Variants in SPAST observed in about 807,000 individuals in gnomAD.
The protein encoded by SPAST is spastin, also known as spastic paraplegia 4 (autosomal dominant; spastin).
Under a neutral mutation model 76.6 loss-of-function variants are expected in SPAST, and 30 were observed. The observed-to-expected ratio is 0.39, with a 90% CI of 0.29 to 0.53. The LOEUF is 0.53. Among genes scored for constraint, SPAST ranks in the 20% least tolerant of loss-of-function variants. The pLI is 0.68. For missense variants in SPAST, 717 were observed against 770.5 expected, an observed-to-expected ratio of 0.93 and a Z score of 0.82; for synonymous variants, 305 against 281.0, an observed-to-expected ratio of 1.09 and a Z score of -0.86.
rs374327295 is a variant in SPAST at position 32,063,791 on chromosome 2, C to T, written c.-41C>T. On this transcript the variant is annotated 5_prime_UTR_variant, in exon 1 of 17. Coordinates refer to ENST00000315285, the MANE Select transcript of SPAST (RefSeq NM_014946.4). Reference sequence around the variant, plus strand: ...CCGTCGCTTGGTTCCCGTCGGTCTGCGGGAGGCGGGTTATGGCGGCGGCGG... The same window carrying T: ...CCGTCGCTTGGTTCCCGTCGGTCTGTGGGAGGCGGGTTATGGCGGCGGCGG... 1,220 of 1,547,808 alleles carry T rather than the reference C, an allele frequency of 7.9e-4. 4 individuals carry two copies. The highest frequency in any genetic ancestry group is 3.2e-3 in the Middle Eastern group (14 of 4,400).
At chr2:32,152,203 C>T (rs1363503212) in intron 16 of SPAST, among the ~76,000 whole-genome samples, 1 of 152,110 alleles carries the variant, frequency 6.6e-6, no homozygotes, top group Non-Finnish European at 1.5e-5. Context: ...GTTAAAATAT[C>T]ATATAAGTTT....
chr2:32,114,529 A>G (rs1036783300), intron 4 of SPAST, 109 bp from the exon 5 acceptor site: 12 of 839,576 alleles, frequency 1.4e-5, no homozygotes, highest in African/African-American at 3.4e-5. Flanking sequence ...ATTTTGAAAT[A>G]TTTTTGAATT....
chr2:32,101,438 T>A (rs1678121659), intron 4 of SPAST, among the ~76,000 whole-genome samples: 2 of 151,882 alleles, frequency 1.3e-5, no homozygotes, highest in African/African-American at 4.8e-5. Context: ...TGGTAGTTTC[T>A]TTTGCTGTGC....
intron 7 of SPAST, among the ~76,000 whole-genome samples, chr2:32,121,964 T>G (rs1679036595): frequency 6.6e-6 from 1 of 152,240 alleles, no homozygotes; most frequent in Non-Finnish European, 1.5e-5. Context: ...TGCCTTAAGC[T>G]TTTTCATATT....
intron 1 of SPAST, among the ~76,000 whole-genome samples, chr2:32,074,742 A>G (rs1224359545): frequency 6.6e-6 from 1 of 152,038 alleles, no homozygotes; most frequent in East Asian, 1.9e-4. Flanking sequence ...CCGGACCTCA[A>G]GCAATCCATC....
chr2:32,083,695 GTATA>G (rs1178387942), intron 1 of SPAST, among the ~76,000 whole-genome samples: 1 of 121,456 alleles, frequency 8.2e-6, no homozygotes, highest in Non-Finnish European at 1.7e-5. Flanking sequence ...TATATATAGA[GTATA>G]TATATTTTTA....
At chr2:32,120,926 A>G (rs1180925877) in intron 7 of SPAST, among the ~76,000 whole-genome samples, 1 of 152,056 alleles carries the variant, frequency 6.6e-6, no homozygotes, top group Non-Finnish European at 1.5e-5. Flanking sequence ...GTTGGAAACT[A>G]TTTTCCATGA....
chr2:32,157,563 AGAAAT>A lies in SPAST; in HGVS notation c.*3071_*3075del, dbSNP rs1336826171. 2.6e-5 allele frequency: 4 copies of A among 152,644 alleles called. No homozygotes were observed. The highest frequency in any genetic ancestry group is 5.9e-5 in the Non-Finnish European group (4 of 68,046). 9.5% of individuals were successfully genotyped at this position (152,644 alleles called of 1,614,324 possible). A position where few individuals can be genotyped will look rare whatever the true frequency, so the allele number is the denominator to read the frequency against. ...CTGGTCTTTTGTACTTTTCTTCAGA[AGAAAT>A]GAATTAAAGGGTACAGTTGCATAAA... On this transcript the variant is annotated 3_prime_UTR_variant, in exon 17 of 17. Transcript: ENST00000315285.
chr2:32,122,427 T>C (rs1398019586), intron 7 of SPAST, among the ~76,000 whole-genome samples: 1 of 152,162 alleles, frequency 6.6e-6, no homozygotes, highest in Non-Finnish European at 1.5e-5. Flanking sequence ...GTTCAAGCAA[T>C]TCTCATGCCT....
At chr2:32,085,845 T>A (rs537818368) in intron 1 of SPAST, among the ~76,000 whole-genome samples, 1 of 151,480 alleles carries the variant, frequency 6.6e-6, no homozygotes, top group South Asian at 2.1e-4. Context: ...AGATCGAGAC[T>A]ATCCTGAACA....
intron 4 of SPAST, among the ~76,000 whole-genome samples, chr2:32,100,128 G>T (rs1678065072): frequency 6.6e-6 from 1 of 152,096 alleles, no homozygotes; most frequent in Non-Finnish European, 1.5e-5. Flanking sequence ...ATTCCCAAAA[G>T]TAGCGTATAA....
At chr2:32,102,175 T>G (rs1678151757) in intron 4 of SPAST, among the ~76,000 whole-genome samples, 1 of 152,242 alleles carries the variant, frequency 6.6e-6, no homozygotes, top group Non-Finnish European at 1.5e-5. Flanking sequence ...TAGTTCTCCT[T>G]GAAGAGGTCC....
At chr2:32,126,849 T>G (rs1679209412) in intron 7 of SPAST, 99 bp from the exon 8 acceptor site, 1 of 762,154 alleles carries the variant, frequency 1.3e-6, no homozygotes, top group Admixed American at 2.1e-5. Context: ...CAGCTCTGTT[T>G]GGGAAGATGC....
At chr2:32,099,247 A>G (rs1678030204) in intron 4 of SPAST, among the ~76,000 whole-genome samples, 1 of 152,164 alleles carries the variant, frequency 6.6e-6, no homozygotes, top group South Asian at 2.1e-4. Context: ...AGTGTTTTCT[A>G]AGACACATTT....
At chr2:32,064,287 GAA>G in intron 1 of SPAST, 41 bp downstream of exon 1, 3 of 632,822 alleles carry the variant, frequency 4.7e-6, no homozygotes, top group East Asian at 4.7e-5. Context: ...GCGCCGGGAA[GAA>G]GGCGGTGGGG....
chr2:32,148,602 G>C (rs1250942561), intron 16 of SPAST, among the ~76,000 whole-genome samples: 1 of 152,136 alleles, frequency 6.6e-6, no homozygotes, highest in Non-Finnish European at 1.5e-5. Flanking sequence ...GAGGTCAGGA[G>C]ATCGAGACCA....
At chr2:32,096,172 C>T (rs552174048) in intron 3 of SPAST, among the ~76,000 whole-genome samples, 1 of 152,284 alleles carries the variant, frequency 6.6e-6, no homozygotes, top group South Asian at 2.1e-4. Context: ...CGGTGGCTCA[C>T]GCCTGTAATC....
At position 32,114,753 on chromosome 2, in the gene SPAST, AC is replaced by A; in HGVS notation, c.800del (p.Pro267LeufsTer12). 6.2e-7 allele frequency: 1 copy of A among 1,614,092 alleles called. No homozygotes were observed. The highest frequency in any genetic ancestry group is 8.5e-7 in the Non-Finnish European group (1 of 1,179,980). On this transcript the variant is annotated frameshift_variant, in exon 5 of 17. Coordinates refer to ENST00000315285, the MANE Select transcript of SPAST (RefSeq NM_014946.4). LOFTEE classifies it high-confidence loss of function. ...SAGLSGHHRA[P>X]SYSGLSMVSG... Reference sequence around the variant, plus strand: ...CAGGCCTTTCAGGCCACCATAGAGCACCTAGTTACAGTGGTTTATCCATGGT... The same window carrying A: ...CAGGCCTTTCAGGCCACCATAGAGCACTAGTTACAGTGGTTTATCCATGGT...
At chr2:32,083,776 A>ATTTTTTTTTTTTTTTTTTT (rs1178658126) in intron 1 of SPAST, among the ~76,000 whole-genome samples, 8 of 46,066 alleles carry the variant, frequency 1.7e-4, no homozygotes, top group Non-Finnish European at 2.6e-4. Flanking sequence ...ATATATATAT[A>ATTTTTTTTTTTTTTTTTTT]TTTTTTTTTT....
Sources: gnomAD v4.1 joint callset for allele counts (sites outside exome capture counted in the v4.1 genomes callset) on GRCh38, gnomAD v4.1.1 for gene constraint, MANE v1.5 for transcripts, NCBI Gene and HGNC (gene_info 2026-07-23, HGNC 2026-07-21) for gene names.